The following CD59 variants were observed in gnomAD, a reference collection of about 807,000 sequenced individuals.
The protein encoded by CD59 is CD59 molecule (CD59 blood group).
CD59 carries 3 observed loss-of-function variants against 7.0 expected under a neutral mutation model. The ratio of observed to expected loss-of-function variants is 0.43; its 90% CI spans 0.19 to 1.10. CD59 has a LOEUF of 1.10. CD59 is among the 50% of genes least tolerant of loss of function. CD59 has a pLI of 0.29. For missense variants in CD59, 143 were observed against 151.0 expected (o/e 0.95, Z 0.28); for synonymous variants, 60 against 62.0 (o/e 0.97, Z 0.15).
chr11:33,734,527 G>T (rs934926192), intron 1 of CD59, among the ~76,000 whole-genome samples: 2 of 152,142 alleles, frequency 1.3e-5, no homozygotes, highest in Non-Finnish European at 2.9e-5. Context: ...GTGTCCAAGT[G>T]TTCTCATTGG....
At chr11:33,729,403 A>G (rs1457890116) in intron 1 of CD59, among the ~76,000 whole-genome samples, 1 of 152,200 alleles carries the variant, frequency 6.6e-6, no homozygotes, top group Non-Finnish European at 1.5e-5. Flanking sequence ...CATTCTCAGC[A>G]AAGTAACACA....
At chr11:33,735,858 G>A (rs1350926622) in intron 1 of CD59, among the ~76,000 whole-genome samples, 1 of 151,666 alleles carries the variant, frequency 6.6e-6, no homozygotes, top group Non-Finnish European at 1.5e-5. Context: ...GGAGGTTGCG[G>A]TGAACCCAGA....
At chr11:33,719,927 T>C (rs1853976470) in intron 2 of CD59, among the ~76,000 whole-genome samples, 1 of 152,224 alleles carries the variant, frequency 6.6e-6, no homozygotes, top group South Asian at 2.1e-4. Context: ...ACGCATGAAA[T>C]GAAAAGAGTC....
chr11:33,711,534 C>A, intron 3 of CD59: 1 of 629,732 alleles, frequency 1.6e-6, no homozygotes, highest in Non-Finnish European at 2.8e-6. Context: ...AAAAAATTAG[C>A]CAGGCAGGGT....
intron 1 of CD59, among the ~76,000 whole-genome samples, chr11:33,726,246 G>A (rs896377215): frequency 6.6e-6 from 1 of 152,072 alleles, no homozygotes; most frequent in East Asian, 1.9e-4. Flanking sequence ...AGCACCGCAT[G>A]GTAATTATTC....
At chr11:33,717,802 C>A in intron 2 of CD59, 1 of 349,802 alleles carries the variant, frequency 2.9e-6, no homozygotes, top group Non-Finnish European at 5.5e-6. Flanking sequence ...AAACAGAATT[C>A]TATAAGTGTC....
chr11:33,726,046 CT>C (rs1854247806), intron 1 of CD59, among the ~76,000 whole-genome samples: 1 of 152,126 alleles, frequency 6.6e-6, no homozygotes, highest in Admixed American at 6.5e-5. Flanking sequence ...TCTTAGAGAC[CT>C]ACAAAGAGAC....
chr11:33,721,761 C>T (rs959771332), intron 2 of CD59, among the ~76,000 whole-genome samples: 1 of 152,214 alleles, frequency 6.6e-6, no homozygotes, highest in African/African-American at 2.4e-5. Flanking sequence ...GTTCACATTC[C>T]CGTGTACCAC....
chr11:33,721,480 G>A (rs963113464), intron 2 of CD59, among the ~76,000 whole-genome samples: 29 of 152,210 alleles, frequency 1.9e-4, no homozygotes, highest in African/African-American at 6.5e-4. Context: ...TCACTGTATT[G>A]CCACTTTCTT....
chr11:33,713,645 T>C (rs1462633770), intron 3 of CD59, among the ~76,000 whole-genome samples: 1 of 152,222 alleles, frequency 6.6e-6, no homozygotes, highest in Non-Finnish European at 1.5e-5. Context: ...GCATTGGAAC[T>C]TGAAAAGCTT....
chr11:33,722,127 C>A (rs1277229231), intron 2 of CD59, among the ~76,000 whole-genome samples: 2 of 152,096 alleles, frequency 1.3e-5, no homozygotes, highest in Non-Finnish European at 2.9e-5. Context: ...AAACTTCAGC[C>A]GCCGATTGTT....
intron 1 of CD59, among the ~76,000 whole-genome samples, chr11:33,734,550 T>C (rs1346754989): frequency 6.6e-6 from 1 of 152,174 alleles, no homozygotes; most frequent in Non-Finnish European, 1.5e-5. Context: ...AGCTCCCACT[T>C]ATTAGGCCAG....
intron 2 of CD59, among the ~76,000 whole-genome samples, chr11:33,719,966 G>A (rs1413311114): frequency 6.6e-6 from 1 of 152,234 alleles, no homozygotes; most frequent in African/African-American, 2.4e-5. Flanking sequence ...TCTTGAGACT[G>A]GCCATGTTTG....
At chr11:33,723,056 G>A (rs1486696801) in intron 1 of CD59, 2 of 714,904 alleles carry the variant, frequency 2.8e-6, no homozygotes, top group Non-Finnish European at 3.5e-6. Flanking sequence ...AGCATCAGGT[G>A]AGAAGAAGGA....
chr11:33,727,378 C>A (rs1854289172), intron 1 of CD59, among the ~76,000 whole-genome samples: 1 of 152,180 alleles, frequency 6.6e-6, no homozygotes, highest in African/African-American at 2.4e-5. Context: ...ATATGCAAAT[C>A]AATAAACATA....
rs904856019 is a variant in CD59, at chr11:33,703,314, C to A, written c.*6812G>T. On this transcript the variant is annotated 3_prime_UTR_variant, in exon 4 of 4. Coordinates refer to ENST00000642928, the MANE Select transcript of CD59 (RefSeq NM_000611.6). ...AAAGTCCCTATGAGGTAATAATAAA[C>A]CCACGAGGTTAAGGCAAAACCCTAC... The A allele has an allele frequency of 7.2e-5, 11 of 152,218 alleles. No individual in the cohort carries two copies. The highest frequency in any genetic ancestry group is 2.6e-4 in the African/African-American group (11 of 41,526). 9.4% of individuals were successfully genotyped at this position (152,218 alleles called of 1,614,324 possible).
intron 1 of CD59, among the ~76,000 whole-genome samples, chr11:33,732,003 A>G (rs1854431630): frequency 6.6e-6 from 1 of 152,038 alleles, no homozygotes; most frequent in Non-Finnish European, 1.5e-5. Flanking sequence ...TAAGTCACAC[A>G]AGAGCTGATG....
At position 33,703,363 on chromosome 11, in the gene CD59, C is replaced by T. The variant is rs1469251327; in HGVS notation, c.*6763G>A. 1 of 152,160 alleles carries T rather than the reference C, an allele frequency of 6.6e-6. No individual in the cohort carries two copies. Among genetic ancestry groups the T allele is most frequent in the Non-Finnish European group, 1.5e-5 (1 of 68,032 alleles). 9.4% of individuals were successfully genotyped at this position (152,160 alleles called of 1,614,324 possible). On this transcript the variant is annotated 3_prime_UTR_variant, in exon 4 of 4. Transcript: ENST00000642928. ...ACGGTTGTTTCTGCAAACAAATGTCCAGGAAACTCAAGTTTGTGATGAAAG... is the reference window on the plus strand; with the variant it reads ...ACGGTTGTTTCTGCAAACAAATGTCTAGGAAACTCAAGTTTGTGATGAAAG...
At chr11:33,722,014 G>C (rs1425734227) in intron 2 of CD59, among the ~76,000 whole-genome samples, 2 of 152,160 alleles carry the variant, frequency 1.3e-5, no homozygotes, top group African/African-American at 4.8e-5. Flanking sequence ...CAGAAGGACT[G>C]AGCTCAGATG....
Sources: gnomAD v4.1 joint callset for allele counts (sites outside exome capture counted in the v4.1 genomes callset) on GRCh38, gnomAD v4.1.1 for gene constraint, MANE v1.5 for transcripts, NCBI Gene and HGNC (gene_info 2026-07-23, HGNC 2026-07-21) for gene names.